Variants in DNMBP observed in about 807,000 individuals in gnomAD.
The protein encoded by DNMBP is dynamin binding protein.
A neutral mutation model predicts 150.0 loss-of-function variants in DNMBP; 87 were observed. The observed-to-expected ratio is 0.58, with a 90% confidence interval of 0.49 to 0.69. The LOEUF is 0.69. Ranked by LOEUF, DNMBP falls within the 30% of genes least tolerant of loss-of-function variation. The pLI, the probability that DNMBP is intolerant of heterozygous loss-of-function variation, is 0.00. For missense variants in DNMBP, 1,774 were observed against 1,949.0 expected, an observed-to-expected ratio of 0.91 and a Z score of 1.69; for synonymous variants, 711 against 750.4, an observed-to-expected ratio of 0.95 and a Z score of 0.86.
intron 11 of DNMBP, among the ~76,000 whole-genome samples, chr10:99,891,629 C>T (rs1358851217): frequency 3.0e-4 from 45 of 151,056 alleles, no homozygotes; most frequent in Admixed American, 7.2e-4. Context: ...TCTGCCTGGC[C>T]GCCCATCGTC....
intron 9 of DNMBP, among the ~76,000 whole-genome samples, chr10:99,897,400 A>G (rs74995008): frequency 1.3e-5 from 2 of 152,198 alleles, no homozygotes; most frequent in Admixed American, 6.5e-5. Context: ...TCCTAGCTTT[A>G]GTAGAGGTAG....
intron 5 of DNMBP, among the ~76,000 whole-genome samples, chr10:99,908,602 A>G (rs962392496): frequency 6.6e-6 from 1 of 152,224 alleles, no homozygotes; most frequent in African/African-American, 2.4e-5. Context: ...AACAGGTACT[A>G]GAGTCATGTA....
intron 4 of DNMBP, among the ~76,000 whole-genome samples, chr10:99,949,088 G>A (rs1046743247): frequency 6.6e-6 from 1 of 152,004 alleles, no homozygotes; most frequent in African/African-American, 2.4e-5. Flanking sequence ...GTCTGACAAG[G>A]GGCCTGCCAT....
At chr10:99,987,391 T>TG (rs1284353428) in intron 1 of DNMBP, among the ~76,000 whole-genome samples, 2 of 152,018 alleles carry the variant, frequency 1.3e-5, no homozygotes, top group Non-Finnish European at 2.9e-5. Flanking sequence ...CCCATGAATC[T>TG]GGGGATAAAA....
chr10:100,007,883 G>C (rs1334155315), intron 1 of DNMBP, among the ~76,000 whole-genome samples: 1 of 152,242 alleles, frequency 6.6e-6, no homozygotes, highest in Admixed American at 6.5e-5. Flanking sequence ...GTTTTCCAGA[G>C]TGTGTATAAT....
intron 1 of DNMBP, among the ~76,000 whole-genome samples, chr10:99,984,689 T>C (rs2040812428): frequency 6.6e-6 from 1 of 152,242 alleles, no homozygotes; most frequent in Non-Finnish European, 1.5e-5. Flanking sequence ...CTTGTGTTTC[T>C]GCTACAGAAG....
intron 4 of DNMBP, among the ~76,000 whole-genome samples, chr10:99,950,757 G>A (rs1379008618): frequency 6.6e-6 from 1 of 152,220 alleles, no homozygotes; most frequent in East Asian, 1.9e-4. Context: ...TGCAAGAGGT[G>A]ACTTGGGTGC....
At chr10:99,938,132 G>A (rs1246346490) in intron 4 of DNMBP, among the ~76,000 whole-genome samples, 2 of 152,138 alleles carry the variant, frequency 1.3e-5, no homozygotes, top group Non-Finnish European at 2.9e-5. Context: ...GGAAAACAAA[G>A]TTCACTAGCA....
chr10:99,939,727 G>A (rs773505335), intron 4 of DNMBP, among the ~76,000 whole-genome samples: 15 of 152,264 alleles, frequency 9.9e-5, no homozygotes, highest in Non-Finnish European at 1.6e-4. Flanking sequence ...CCATTATTTA[G>A]AAGGTAACAA....
In DNMBP at chr10:99,880,143, C is replaced by T. The variant is rs2133188677; in HGVS notation, c.4216G>A (p.Ala1406Thr). The change falls in exon 16 of 17, where the codon GCA becomes ACA. Residue 1406 changes from alanine to threonine, a missense_variant. By Grantham distance (58) the Ala-to-Thr change is moderately conservative (BLOSUM62 0). Around this residue, in one of 2 missense-constraint regions of DNMBP, gnomAD observed 1,430 missense variants for 1,492.5 expected, o/e 0.96. Transcript: ENST00000324109. The part of the protein sequence containing the change: ...SGSCQKQPQD[A>T]SPPPKECDQG... Reference sequence around the variant, plus strand: ...TCACATTCTTTTGGCGGAGGAGATGCATCTTGAGGCTGCTTCTGGCAAGAC... The same window carrying T: ...TCACATTCTTTTGGCGGAGGAGATGTATCTTGAGGCTGCTTCTGGCAAGAC... 6.2e-7 allele frequency: 1 copy of T among 1,614,144 alleles called. No homozygotes were observed. The highest frequency in any genetic ancestry group is 8.5e-7 in the Non-Finnish European group (1 of 1,180,042).
intron 1 of DNMBP, among the ~76,000 whole-genome samples, chr10:99,978,077 C>T (rs2040747259): frequency 6.6e-6 from 1 of 152,194 alleles, no homozygotes; most frequent in South Asian, 2.1e-4. Context: ...CTTAAATCCT[C>T]ACGACTCCGC....
chr10:99,908,947 TC>T lies in DNMBP; in HGVS notation c.2454+5del. 1 of 1,611,426 alleles carries T rather than the reference TC, an allele frequency of 6.2e-7. No homozygotes were observed. Among genetic ancestry groups the T allele is most frequent in the Non-Finnish European group, 8.5e-7 (1 of 1,178,390 alleles). On this transcript the variant is annotated splice_donor_5th_base_variant and intron_variant, in intron 5 of 16. Coordinates refer to ENST00000324109, the MANE Select transcript of DNMBP (RefSeq NM_015221.4). ...GGTCAAACTAACTCTGTCTCCCAGT[TC>T]CCACCTGTGCCTGCTGCATGGGTAC...
At chr10:99,983,262 T>C (rs2040797439) in intron 1 of DNMBP, among the ~76,000 whole-genome samples, 2 of 152,196 alleles carry the variant, frequency 1.3e-5, no homozygotes, top group South Asian at 2.1e-4. Context: ...TGAGAAGGAA[T>C]ATCTAACCTT....
At chr10:99,877,908 G>C (rs2039302137) in intron 16 of DNMBP, among the ~76,000 whole-genome samples, 1 of 152,056 alleles carries the variant, frequency 6.6e-6, no homozygotes, top group African/African-American at 2.4e-5. Flanking sequence ...GATCACTAGA[G>C]GTCAGGAGTT....
intron 1 of DNMBP, among the ~76,000 whole-genome samples, chr10:99,997,927 CAAAAAAAAAAAAAA>C (rs71009798): frequency 1.3e-4 from 3 of 22,330 alleles, no homozygotes; most frequent in Admixed American, 6.7e-4. Context: ...GACTCTGTCT[CAAAAAAAAAAAAAA>C]AAAAAAAAAA....
intron 4 of DNMBP, among the ~76,000 whole-genome samples, chr10:99,944,998 C>T (rs905367073): frequency 1.3e-5 from 2 of 152,150 alleles, no homozygotes; most frequent in Admixed American, 6.5e-5. Flanking sequence ...ATTGGGCCAG[C>T]CCTCTTGCTA....
intron 4 of DNMBP, among the ~76,000 whole-genome samples, chr10:99,919,531 G>A (rs1318727679): frequency 4.6e-5 from 7 of 152,184 alleles, no homozygotes; most frequent in African/African-American, 1.7e-4. Flanking sequence ...TGTGACTCAC[G>A]CCTGTAATCC....
At chr10:99,882,315 CTAA>C (rs1185524758) in intron 15 of DNMBP, among the ~76,000 whole-genome samples, 1 of 152,156 alleles carries the variant, frequency 6.6e-6, no homozygotes, top group Non-Finnish European at 1.5e-5. Flanking sequence ...GTTACTATAG[CTAA>C]TGATAATGTA....
At chr10:100,009,313 G>A (rs1196703843) in intron 1 of DNMBP, among the ~76,000 whole-genome samples, 1 of 152,220 alleles carries the variant, frequency 6.6e-6, no homozygotes, top group Non-Finnish European at 1.5e-5. Flanking sequence ...GGTGTCCGCG[G>A]GTTTCTGCAA....
Sources: allele counts gnomAD v4.1 joint callset (sites outside exome capture counted in the v4.1 genomes callset), GRCh38; gene constraint gnomAD v4.1.1; regional missense constraint gnomAD v4.1.1; transcripts MANE v1.5; gene names NCBI Gene and HGNC (gene_info 2026-07-23, HGNC 2026-07-21).